The following PRKN variants were observed in gnomAD, a reference collection of about 807,000 sequenced individuals.
PRKN encodes the protein E3 ubiquitin-protein ligase parkin.
A neutral mutation model predicts 59.5 loss-of-function variants in PRKN; 56 were observed. The observed-to-expected ratio is 0.94, with a 90% CI of 0.76 to 1.18. PRKN has a LOEUF of 1.18. Ranked by LOEUF, PRKN falls within the 50% of genes most tolerant of loss-of-function variation. The probability of loss-of-function intolerance (pLI) is 0.00; values close to 1 mark genes in which losing one functional copy is unlikely to be tolerated. For missense variants in PRKN, 657 were observed against 596.4 expected, an observed-to-expected ratio of 1.10 and a Z score of -1.06; for synonymous variants, 250 against 222.1, an observed-to-expected ratio of 1.13 and a Z score of -1.12.
At chr6:161,787,973 C>T (rs538452865) in intron 6 of PRKN, among the ~76,000 whole-genome samples, 1 of 152,248 alleles carries the variant, frequency 6.6e-6, no homozygotes, top group African/African-American at 2.4e-5. Context: ...TAGAAATGAC[C>T]CTGTAGAGGA....
rs1789300670 is a variant in PRKN, at chr6:161,442,775, A to C, written c.1084-55898T>G. 1.3e-5 allele frequency among the ~76,000 whole-genome samples: 2 copies of C among 152,216 alleles called. No homozygotes were observed. The highest frequency in any genetic ancestry group is 4.8e-5 in the African/African-American group (2 of 41,456). On this transcript the variant is annotated intron_variant, in intron 9 of 11. Coordinates refer to ENST00000366898, the MANE Select transcript of PRKN (RefSeq NM_004562.3). The surrounding 1 kb of genome is among the most constrained non-coding windows in gnomAD (Gnocchi z 4.6). ...CCGTGGAGACGAACAGCTTACCGAG[A>C]GCCTCTGCCAGGAAGCAAAAGAGAG...
chr6:162,496,672 A>G (rs981046590), intron 1 of PRKN, among the ~76,000 whole-genome samples: 1 of 152,202 alleles, frequency 6.6e-6, no homozygotes, highest in Admixed American at 6.5e-5. Flanking sequence ...GTTATTTTCC[A>G]TTTAAGCCTT....
At chr6:161,710,192 T>C (rs1305411875) in intron 7 of PRKN, among the ~76,000 whole-genome samples, 2 of 152,008 alleles carry the variant, frequency 1.3e-5, no homozygotes, top group East Asian at 3.9e-4. Context: ...TCCTTCATCC[T>C]TAAAAAAAAA....
Position 161,451,538 on chromosome 6 carries a change from C to T in PRKN, c.1084-64661G>A, listed in dbSNP as rs1789740341. Reference sequence around the variant, plus strand: ...CCTGAGGGAACCTGCTGCCCACAGCCTCTGCTCCCAGAGGGACCTACCCAG... The same window carrying T: ...CCTGAGGGAACCTGCTGCCCACAGCTTCTGCTCCCAGAGGGACCTACCCAG... On this transcript the variant is annotated intron_variant, in intron 9 of 11. Transcript: ENST00000366898. The surrounding 1 kb of genome is among the most constrained non-coding windows in gnomAD (Gnocchi z 5.9). 6.6e-6 allele frequency among the ~76,000 whole-genome samples: 1 copy of T among 152,222 alleles called. No homozygotes were observed. The highest frequency in any genetic ancestry group is 2.1e-4 in the South Asian group (1 of 4,832).
intron 1 of PRKN, among the ~76,000 whole-genome samples, chr6:162,476,330 C>T (rs1792016573): frequency 6.6e-6 from 1 of 152,086 alleles, no homozygotes; most frequent in African/African-American, 2.4e-5. Context: ...CCTCGGCCTC[C>T]CAAAGTGCTG....
chr6:162,366,070 G>T (rs760583267), intron 2 of PRKN, among the ~76,000 whole-genome samples: 3 of 152,144 alleles, frequency 2.0e-5, no homozygotes, highest in Non-Finnish European at 4.4e-5. Flanking sequence ...CTGCAAAAAA[G>T]CTTTAATGGC....
intron 7 of PRKN, among the ~76,000 whole-genome samples, chr6:161,646,080 CGTGT>C: frequency 1.1e-5 from 1 of 91,226 alleles, no homozygotes; most frequent in Non-Finnish European, 2.4e-5. Flanking sequence ...GTGGTGACTG[CGTGT>C]GCGTGCGTGG....
chr6:162,218,001 A>G (rs1002871404), intron 3 of PRKN, among the ~76,000 whole-genome samples: 2 of 152,142 alleles, frequency 1.3e-5, no homozygotes, highest in African/African-American at 2.4e-5. Context: ...TGCGATTGAG[A>G]GGTAGACATG....
In PRKN at chr6:161,674,726, A is replaced by G. The variant is rs182720695; in HGVS notation, c.872-105310T>C. Among the ~76,000 whole-genome samples the G allele has an allele frequency of 1.1e-4, 16 of 152,356 alleles. No homozygotes were observed. The East Asian group carries it at 2.9e-3, about 28-fold the overall frequency. On this transcript the variant is annotated intron_variant, in intron 7 of 11. Coordinates refer to ENST00000366898, the MANE Select transcript of PRKN (RefSeq NM_004562.3). ...CTTCTTAGAGGAATACACAAAAAAG[A>G]TACATCATATAATCTGTGACATCTC...
chr6:162,093,906 AAAAG>A (rs759959367), intron 4 of PRKN, among the ~76,000 whole-genome samples: 1 of 152,190 alleles, frequency 6.6e-6, no homozygotes, highest in African/African-American at 2.4e-5. Flanking sequence ...TTCACTGAAT[AAAAG>A]AAAGGATGGA....
intron 6 of PRKN, among the ~76,000 whole-genome samples, chr6:161,869,341 T>C (rs1164504106): frequency 6.6e-6 from 1 of 151,622 alleles, no homozygotes; most frequent in African/African-American, 2.4e-5. Context: ...ATCACACCAC[T>C]GCACTCCAGC....
chr6:161,481,685 G>A (rs892312014), intron 9 of PRKN, among the ~76,000 whole-genome samples: 2 of 152,148 alleles, frequency 1.3e-5, no homozygotes. Context: ...AAAGAGGGTA[G>A]GTAGTGAATC....
intron 3 of PRKN, among the ~76,000 whole-genome samples, chr6:162,235,948 AG>A (rs1778652665): frequency 2.4e-5 from 2 of 84,970 alleles, no homozygotes; most frequent in African/African-American, 6.9e-5. Context: ...GAAGGAAGGA[AG>A]GAAGAAAGGA....
chr6:161,757,931 C>CTGTGTG (rs1789019167), intron 7 of PRKN, among the ~76,000 whole-genome samples: 5 of 135,748 alleles, frequency 3.7e-5, no homozygotes, highest in African/African-American at 1.4e-4. Flanking sequence ...ATCTCTCTCT[C>CTGTGTG]TGTATATATA....
At position 161,369,547 on chromosome 6, in the gene PRKN, G is replaced by T. The variant is rs376112014; in HGVS notation, c.1168-9342C>A. Among the ~76,000 whole-genome samples the T allele has an allele frequency of 2.0e-5, 3 of 152,122 alleles. No homozygotes were observed. Among genetic ancestry groups the T allele is most frequent in the Non-Finnish European group, 2.9e-5 (2 of 68,014 alleles). On this transcript the variant is annotated intron_variant, in intron 10 of 11. Coordinates refer to ENST00000366898, the MANE Select transcript of PRKN (RefSeq NM_004562.3). This position sits in a 1 kb window ranked among gnomAD's most constrained non-coding sequence, Gnocchi z 5.8. ...TTGTTGTGATTCAGCATCACCGCCC[G>T]ATTGTGCAATAAAGTGTGGCTCTCA...
At chr6:162,358,186 T>G (rs1475814557) in intron 2 of PRKN, among the ~76,000 whole-genome samples, 1 of 152,212 alleles carries the variant, frequency 6.6e-6, no homozygotes, top group Non-Finnish European at 1.5e-5. Context: ...AGGGAAAATC[T>G]TTGTGCAACT....
intron 2 of PRKN, among the ~76,000 whole-genome samples, chr6:162,346,412 T>C (rs2128129720): frequency 6.7e-6 from 1 of 148,402 alleles, no homozygotes. Context: ...GCCCAGGAGT[T>C]CGAGACCAGC....
chr6:162,337,505 G>C (rs142649378), intron 2 of PRKN, among the ~76,000 whole-genome samples: 9 of 152,168 alleles, frequency 5.9e-5, no homozygotes, highest in Non-Finnish European at 1.2e-4. Flanking sequence ...GATAATCCAA[G>C]TTATTTTCAG....
chr6:161,846,188 A>G (rs1347485889), intron 6 of PRKN, among the ~76,000 whole-genome samples: 1 of 152,166 alleles, frequency 6.6e-6, no homozygotes, highest in East Asian at 1.9e-4. Flanking sequence ...ATGATATCTA[A>G]TGCGGGTTCT....
Sources: gnomAD v4.1 joint callset for allele counts (sites outside exome capture counted in the v4.1 genomes callset) on GRCh38, gnomAD v4.1.1 for gene constraint, Gnocchi (gnomAD v3.1) non-coding constraint, MANE v1.5 for transcripts, NCBI Gene and HGNC (gene_info 2026-07-23, HGNC 2026-07-21) for gene names.